Variants in AQP2 observed in about 807,000 individuals in gnomAD.
AQP2 encodes aquaporin 2, also known as aquaporin-2.
A neutral mutation model predicts 21.6 loss-of-function variants in AQP2; 20 were observed. That is an observed-to-expected ratio of 0.92 (90% CI 0.65 to 1.34). The LOEUF (loss-of-function observed/expected upper bound fraction) is 1.34, where lower values mean the gene tolerates loss of function less well. Ranked by LOEUF, AQP2 falls within the 40% of genes most tolerant of loss-of-function variation. The pLI, the probability that AQP2 is intolerant of heterozygous loss-of-function variation, is 0.00. For synonymous variants in AQP2, 168 were observed against 166.9 expected, an observed-to-expected ratio of 1.01 and a Z score of -0.05; for missense variants, 325 against 363.4, an observed-to-expected ratio of 0.89 and a Z score of 0.86.
chr12:49,951,564 C>T (rs547754114), intron 1 of AQP2: 2 of 238,938 alleles, frequency 8.4e-6, no homozygotes, highest in African/African-American at 2.2e-5. Context: ...GTGATCATCA[C>T]AGGGTTCTCA....
At position 49,957,669 on chromosome 12, in the gene AQP2, C is replaced by G. The variant is rs1426899193; in HGVS notation, c.*2061C>G. 6.6e-6 allele frequency: 1 copy of G among 152,238 alleles called. No individual in the cohort carries two copies. Among genetic ancestry groups the G allele is most frequent in the African/African-American group, 2.4e-5 (1 of 41,444 alleles). 9.4% of individuals were successfully genotyped at this position (152,238 alleles called of 1,614,324 possible). ...ATATGTGCTATGGAGAGGACTCTCC[C>G]AAACCCCCAATAGCTAGTGACAGCC... On this transcript the variant is annotated 3_prime_UTR_variant, in exon 4 of 4. Transcript: ENST00000199280.
chr12:49,951,090 C>T lies in AQP2; in HGVS notation c.260C>T (p.Ala87Val), dbSNP rs1947325710. Residue 87 changes from alanine (A) to valine (V), a missense_variant, in exon 1 of 4, where the codon GCC becomes GTC. Transcript: ENST00000199280. ...TGCCACGTCTCCGTTCTCCGAGCCG[C>T]CTTCTACGTGGCTGCCCAGCTGCTG... ...VGCHVSVLRA[A>V]FYVAAQLLGA... The T allele has an allele frequency of 6.2e-7, 1 of 1,610,176 alleles. No individual in the cohort carries two copies. Among genetic ancestry groups the T allele is most frequent in the Non-Finnish European group, 8.5e-7 (1 of 1,177,144 alleles).
rs968339953 is a variant in AQP2 at position 49,956,829 on chromosome 12, C to T, written c.*1221C>T. The T allele has an allele frequency of 6.6e-6, 1 of 152,606 alleles. No homozygotes were observed. The highest frequency in any genetic ancestry group is 1.5e-5 in the Non-Finnish European group (1 of 68,176). The allele number at this position is 152,606 out of a possible 1,614,324, so 9.5% of individuals were successfully genotyped here. On this transcript the variant is annotated 3_prime_UTR_variant, in exon 4 of 4. Transcript: ENST00000199280. ...CCAGGAATCTCTGTTCCTTCTCTGT[C>T]TGCCTCTCCACAGCCCGTGATCCCC...
At position 49,955,796 on chromosome 12, in the gene AQP2, G is replaced by A. The variant is rs1033154530; in HGVS notation, c.*188G>A. ...AGGAGGCTGCCGGAGGGAGCCCTGA[G>A]CCTGGCAGGTCCCCTGCCCTGAGGC... On this transcript the variant is annotated 3_prime_UTR_variant, in exon 4 of 4. Transcript: ENST00000199280. 1.2e-6 allele frequency: 1 copy of A among 813,172 alleles called. No homozygotes were observed. Among genetic ancestry groups the A allele is most frequent in the African/African-American group, 1.7e-5 (1 of 59,222 alleles). The allele number at this position is 813,172 out of a possible 1,614,324, so 50.4% of individuals were successfully genotyped here. A position where few individuals can be genotyped will look rare whatever the true frequency, so the allele number is the denominator to read the frequency against.
intron 2 of AQP2, 23 bp downstream of exon 2, chr12:49,954,342 A>C (rs898065566): frequency 6.2e-7 from 1 of 1,602,030 alleles, no homozygotes. Context: ...CATGGGTTCC[A>C]GCCTCCCTGG....
At chr12:49,954,423 C>T (rs769099250) in intron 2 of AQP2, 104 bp downstream of exon 2, 5 of 1,364,140 alleles carry the variant, frequency 3.7e-6, no homozygotes, top group Non-Finnish European at 2.0e-6. Flanking sequence ...ACAGAACTCT[C>T]AAGAGGAACA....
chr12:49,951,178 G>A lies in AQP2; in HGVS notation c.348G>A (p.Leu116=). The A allele has an allele frequency of 6.2e-7, 1 of 1,605,114 alleles. No individual in the cohort carries two copies. Among genetic ancestry groups the A allele is most frequent in the East Asian group, 2.2e-5 (1 of 44,784 alleles). ...CGCCAGCAGACATCCGCGGGGACCTGGCTGTCAATGCTGTGAGTAGCCACA... is the reference window on the plus strand; with the variant it reads ...CGCCAGCAGACATCCGCGGGGACCTAGCTGTCAATGCTGTGAGTAGCCACA... ...EITPADIRGD[L]AVNALSNSTT... The change falls in exon 1 of 4, where the codon CTG becomes CTA. Residue 116 remains leucine (L), a synonymous_variant. Transcript: ENST00000199280.
chr12:49,951,279 A>G (rs1230654060), intron 1 of AQP2, 89 bp downstream of exon 1: 11 of 1,465,840 alleles, frequency 7.5e-6, no homozygotes, highest in Non-Finnish European at 1.0e-5. Flanking sequence ...GCTCTGGGTG[A>G]TGTAGGGAGA....
Position 49,954,304 on chromosome 12 carries a change from G to T in AQP2, c.510G>T (p.Leu170=). The change falls in exon 2 of 4, where the codon CTG becomes CTT. Residue 170 remains leucine, a synonymous_variant. Coordinates refer to ENST00000199280, the MANE Select transcript of AQP2 (RefSeq NM_000486.6). The part of the protein sequence containing the change: ...PALSIGFSVA[L]GHLLGIHYTG... ...TCTCCATAGGCTTCTCTGTGGCCCT[G>T]GGCCACCTCCTTGGGGTAGGTCATG... The T allele has an allele frequency of 6.2e-7, 1 of 1,609,074 alleles. No homozygotes were observed. Among genetic ancestry groups the T allele is most frequent in the Non-Finnish European group, 8.5e-7 (1 of 1,179,674 alleles).
chr12:49,955,931 C>T lies in AQP2; in HGVS notation c.*323C>T, dbSNP rs1947366992. On this transcript the variant is annotated 3_prime_UTR_variant, in exon 4 of 4. Coordinates refer to ENST00000199280, the MANE Select transcript of AQP2 (RefSeq NM_000486.6). ...TGGTAAGAGGGAAACTCTGGAGAGC[C>T]TGCACCCAGGTACTGAGTGGGGAGT... 3.7e-6 allele frequency: 2 copies of T among 544,586 alleles called. No homozygotes were observed. The highest frequency in any genetic ancestry group is 6.7e-6 in the Non-Finnish European group (2 of 299,588). The allele number at this position is 544,586 out of a possible 1,614,324, so 33.7% of individuals were successfully genotyped here.
intron 2 of AQP2, 121 bp downstream of exon 2, chr12:49,954,440 C>T (rs1057332237): frequency 9.2e-6 from 12 of 1,298,584 alleles, no homozygotes; most frequent in Non-Finnish European, 1.3e-5. Context: ...AACAGACACC[C>T]CAGAGGTTTG....
At position 49,950,918 on chromosome 12, in the gene AQP2, TCTGCCCTCAACTGGCCACAGGCC is replaced by T. The variant is rs772201159; in HGVS notation, c.97_119del (p.Asn33CysfsTer66). On this transcript the variant is annotated frameshift_variant, in exon 1 of 4. Coordinates refer to ENST00000199280, the MANE Select transcript of AQP2 (RefSeq NM_000486.6). LOFTEE classifies it high-confidence loss of function. The stretch of plus-strand genomic sequence containing the variant: ...CCTCTTCGTCTTCTTTGGCCTCGGC[TCTGCCCTCAACTGGCCACAGGCC>T]CTGCCCTCTGTGCTACAGATTGCCA... The T allele has an allele frequency of 6.2e-7, 1 of 1,614,206 alleles. No individual in the cohort carries two copies. The highest frequency in any genetic ancestry group is 1.7e-5 in the Admixed American group (1 of 60,030).
chr12:49,952,545 G>A (rs536673723), intron 1 of AQP2, among the ~76,000 whole-genome samples: 1 of 152,212 alleles, frequency 6.6e-6, no homozygotes, highest in Non-Finnish European at 1.5e-5. Context: ...GGTCCAGTTA[G>A]ACTGAAAAAG....
Position 49,951,114 on chromosome 12 carries a change from T to TG in AQP2, c.289dup (p.Ala97GlyfsTer10). The TG allele has an allele frequency of 1.2e-6, 2 of 1,607,652 alleles. No individual in the cohort carries two copies. The highest frequency in any genetic ancestry group is 1.7e-6 in the Non-Finnish European group (2 of 1,175,412). On this transcript the variant is annotated frameshift_variant, in exon 1 of 4. Transcript: ENST00000199280. LOFTEE classifies it high-confidence loss of function. ...GCCTTCTACGTGGCTGCCCAGCTGCTGGGGGCTGTGGCCGGAGCCGCTCTG... is the reference window on the plus strand; with the variant it reads ...GCCTTCTACGTGGCTGCCCAGCTGCTGGGGGGCTGTGGCCGGAGCCGCTCTG...
intron 1 of AQP2, chr12:49,951,449 T>C: frequency 1.8e-6 from 1 of 553,800 alleles, no homozygotes; most frequent in South Asian, 3.1e-5. Flanking sequence ...CTCATCCAGG[T>C]TTCTGTTGGA....
At chr12:49,954,365 A>G in intron 2 of AQP2, 46 bp downstream of exon 2, 1 of 1,574,626 alleles carries the variant, frequency 6.4e-7, no homozygotes. Flanking sequence ...GAACAGACAC[A>G]CAGACCACTC....
chr12:49,950,854 C>T lies in AQP2; in HGVS notation c.24C>T (p.Ala8=), dbSNP rs1592814524. Residue 8 remains alanine (A), a synonymous_variant, in exon 1 of 4, where the codon GCC becomes GCT. Coordinates refer to ENST00000199280, the MANE Select transcript of AQP2 (RefSeq NM_000486.6). MWELRSI[A]FSRAVFAEFL... is the part of the protein sequence containing the mutation. ...GCATGTGGGAGCTCCGCTCCATAGC[C>T]TTCTCCAGGGCTGTGTTCGCAGAGT... The T allele has an allele frequency of 1.2e-6, 2 of 1,612,986 alleles. No individual in the cohort carries two copies. Among genetic ancestry groups the T allele is most frequent in the East Asian group, 2.2e-5 (1 of 44,812 alleles).
chr12:49,954,249 G>A lies in AQP2; in HGVS notation c.455G>A (p.Arg152His), dbSNP rs150344189. 45 of 1,606,730 alleles carry A rather than the reference G, an allele frequency of 2.8e-5. No homozygotes were observed. Among genetic ancestry groups the A allele is most frequent in the Non-Finnish European group, 3.5e-5 (41 of 1,179,982 alleles). Residue 152 changes from arginine to histidine, a missense_variant, in exon 2 of 4, where the codon CGC becomes CAC. Physicochemically the swap from Arg to His is conservative, Grantham distance 29. Coordinates refer to ENST00000199280, the MANE Select transcript of AQP2 (RefSeq NM_000486.6). ...TGCATCTTCGCCTCCACCGATGAGCGCCGCGGAGAGAACCCGGGCACCCCT... is the reference window on the plus strand; with the variant it reads ...TGCATCTTCGCCTCCACCGATGAGCACCGCGGAGAGAACCCGGGCACCCCT... ...VLCIFASTDE[R>H]RGENPGTPAL...
Position 49,950,872 on chromosome 12 carries a change from C to A in AQP2, c.42C>A (p.Phe14Leu), listed in dbSNP as rs775148085. The A allele has an allele frequency of 2.5e-6, 4 of 1,613,480 alleles. No individual in the cohort carries two copies. In the South Asian group the frequency reaches 4.4e-5, roughly 18 times the overall value. ...LRSIAFSRAVFAEFLATLLFV... is the reference protein window; with the variant it reads ...LRSIAFSRAVLAEFLATLLFV... Reference sequence around the variant, plus strand: ...CCATAGCCTTCTCCAGGGCTGTGTTCGCAGAGTTCCTGGCCACACTCCTCT... The same window carrying A: ...CCATAGCCTTCTCCAGGGCTGTGTTAGCAGAGTTCCTGGCCACACTCCTCT... The change falls in exon 1 of 4, where the codon TTC (phenylalanine) becomes TTA (leucine). Residue 14 changes from phenylalanine to leucine, a missense_variant. Coordinates refer to ENST00000199280, the MANE Select transcript of AQP2 (RefSeq NM_000486.6).
Sources: allele counts gnomAD v4.1 joint callset (sites outside exome capture counted in the v4.1 genomes callset), GRCh38; gene constraint gnomAD v4.1.1; transcripts MANE v1.5; gene names NCBI Gene and HGNC (gene_info 2026-07-23, HGNC 2026-07-21).